Variants in KIF26B observed in about 807,000 individuals in gnomAD.
The protein encoded by KIF26B is kinesin family member 26B.
In KIF26B, 63 loss-of-function variants were observed where a neutral mutation model predicts 151.2. That is an observed-to-expected ratio of 0.42 (90% CI 0.34 to 0.51). The LOEUF (loss-of-function observed/expected upper bound fraction) is 0.51, where lower values mean the gene tolerates loss of function less well. KIF26B is among the 20% of genes least tolerant of loss of function. The pLI is 0.07. For synonymous variants in KIF26B, 1,357 were observed against 1,262.1 expected, an observed-to-expected ratio of 1.08 and a Z score of -1.59; for missense variants, 2,813 against 2,913.6, an observed-to-expected ratio of 0.97 and a Z score of 0.79.
chr1:245,697,099 A>G (rs1234327732), intron 12 of KIF26B, among the ~76,000 whole-genome samples: 1 of 152,194 alleles, frequency 6.6e-6, no homozygotes, highest in Non-Finnish European at 1.5e-5. Context: ...CGACAGAGTG[A>G]GACTCCCTCT....
intron 5 of KIF26B, among the ~76,000 whole-genome samples, chr1:245,567,815 C>CGAT: frequency 6.6e-6 from 1 of 152,160 alleles, no homozygotes; most frequent in African/African-American, 2.4e-5. Context: ...GTGGAGCATC[C>CGAT]CATTGTCTTC....
intron 2 of KIF26B, among the ~76,000 whole-genome samples, chr1:245,330,801 G>GTGGGGAGAGTC (rs545586083): frequency 1.2e-5 from 1 of 81,212 alleles, no homozygotes; most frequent in African/African-American, 8.7e-5. Flanking sequence ...GCGGGGTAAT[G>GTGGGGAGAGTC]GGGGGAGAGT....
intron 5 of KIF26B, among the ~76,000 whole-genome samples, chr1:245,583,344 C>T (rs886310343): frequency 6.6e-6 from 1 of 152,074 alleles, no homozygotes; most frequent in African/African-American, 2.4e-5. Flanking sequence ...GCACTCACAG[C>T]CTTACACATT....
intron 2 of KIF26B, among the ~76,000 whole-genome samples, chr1:245,292,314 C>A (rs535365032): frequency 6.6e-6 from 1 of 152,166 alleles, no homozygotes; most frequent in Non-Finnish European, 1.5e-5. Context: ...GAAGCTGGTG[C>A]ACTGGGGAAG....
At position 245,404,209 on chromosome 1, in the gene KIF26B, ATT is replaced by A. The variant is rs11455837; in HGVS notation, c.1000-15356_1000-15355del. On this transcript the variant is annotated intron_variant, in intron 3 of 14. Transcript: ENST00000407071. ...TTTTTGAGGAATTGCAACAAGACTG[ATT>A]TTTTTTTTTTTTTATAAAGCGTAGA... Among the ~76,000 whole-genome samples, 474 of 147,868 alleles carry A rather than the reference ATT, an allele frequency of 3.2e-3. 3 individuals carry two copies. The highest frequency in any genetic ancestry group is 0.01 in the African/African-American group (416 of 40,452).
At chr1:245,684,473 C>A in intron 11 of KIF26B, 78 bp downstream of exon 11, 1 of 1,410,934 alleles carries the variant, frequency 7.1e-7, no homozygotes. Context: ...TCAGAAAAAG[C>A]CAAATCAACG....
chr1:245,461,061 G>C (rs534902991), intron 4 of KIF26B, among the ~76,000 whole-genome samples: 1 of 152,164 alleles, frequency 6.6e-6, no homozygotes. Flanking sequence ...TTCCATTCTC[G>C]TGAGAGAAGC....
chr1:245,428,027 C>T (rs1173850), intron 4 of KIF26B, among the ~76,000 whole-genome samples: 10,239 of 152,246 alleles, frequency 0.067, 493 homozygotes, highest in Non-Finnish European at 0.1. Flanking sequence ...TGTCAATCCT[C>T]CTTGGATGCA....
rs185685044 is a variant in KIF26B, at chr1:245,587,233, G to A, written c.1351-15344G>A. Among the ~76,000 whole-genome samples the A allele has an allele frequency of 3.9e-5, 6 of 152,226 alleles. No homozygotes were observed. In the East Asian group the frequency reaches 1.2e-3, roughly 29 times the overall value. Reference sequence around the variant, plus strand: ...TATGAAATCTTTCCTGGCCCCAAGTGGAAATGCCCCCTCATTTGGGTCCTC... The same window carrying A: ...TATGAAATCTTTCCTGGCCCCAAGTAGAAATGCCCCCTCATTTGGGTCCTC... On this transcript the variant is annotated intron_variant, in intron 5 of 14. Transcript: ENST00000407071.
At chr1:245,521,111 G>A (rs938932035) in intron 4 of KIF26B, among the ~76,000 whole-genome samples, 5 of 152,168 alleles carry the variant, frequency 3.3e-5, no homozygotes, top group Non-Finnish European at 7.3e-5. Flanking sequence ...GCCGAGGCGG[G>A]CGGATCACGA....
chr1:245,621,962 T>C (rs2043667625), intron 9 of KIF26B, among the ~76,000 whole-genome samples: 1 of 152,268 alleles, frequency 6.6e-6, no homozygotes, highest in African/African-American at 2.4e-5. Context: ...TCTTGTGTTC[T>C]GTTTTACTAC....
chr1:245,515,534 T>C (rs769528399), intron 4 of KIF26B, among the ~76,000 whole-genome samples: 1 of 152,196 alleles, frequency 6.6e-6, no homozygotes, highest in Non-Finnish European at 1.5e-5. Flanking sequence ...GTGGAAGGCT[T>C]GGATGAGTAG....
At chr1:245,189,977 C>T (rs530779578) in intron 2 of KIF26B, among the ~76,000 whole-genome samples, 10 of 152,198 alleles carry the variant, frequency 6.6e-5, no homozygotes, top group East Asian at 1.9e-4. Flanking sequence ...TACTCACTAC[C>T]GTGAGAACAG....
chr1:245,491,449 A>C (rs1421429130), intron 4 of KIF26B, among the ~76,000 whole-genome samples: 2 of 152,208 alleles, frequency 1.3e-5, no homozygotes, highest in African/African-American at 4.8e-5. Context: ...CAGGTGGCCT[A>C]AAATTCCTGT....
intron 3 of KIF26B, among the ~76,000 whole-genome samples, chr1:245,384,364 T>A (rs1673489711): frequency 6.6e-6 from 1 of 152,234 alleles, no homozygotes; most frequent in Admixed American, 6.5e-5. Flanking sequence ...GCTTTGTGTG[T>A]CTTAATGCAT....
chr1:245,204,005 C>T (rs1381348765), intron 2 of KIF26B, among the ~76,000 whole-genome samples: 1 of 152,218 alleles, frequency 6.6e-6, no homozygotes, highest in Non-Finnish European at 1.5e-5. Context: ...TAATCATACT[C>T]CAGAGGAGGA....
intron 5 of KIF26B, among the ~76,000 whole-genome samples, chr1:245,559,995 G>A (rs1339832362): frequency 2.6e-5 from 4 of 151,490 alleles, no homozygotes; most frequent in African/African-American, 7.3e-5. Context: ...ATCTGCTGTC[G>A]TCTCTGCCAG....
intron 2 of KIF26B, among the ~76,000 whole-genome samples, chr1:245,224,695 C>T (rs990583754): frequency 2.6e-5 from 4 of 152,200 alleles, no homozygotes; most frequent in Non-Finnish European, 5.9e-5. Flanking sequence ...CATGCATCAA[C>T]ATTTGCAAGA....
intron 2 of KIF26B, among the ~76,000 whole-genome samples, chr1:245,184,050 G>GTTTTTTGTTTTTTGTTTTTTTTTTTT (rs1553332272): frequency 5.0e-5 from 1 of 19,810 alleles, no homozygotes; most frequent in Non-Finnish European, 9.9e-5. Flanking sequence ...GGGAGTTGTT[G>GTTTTTTGTTTTTTGTTTTTTTTTTTT]TTTTTTTTTT....
Sources: allele counts gnomAD v4.1 joint callset (sites outside exome capture counted in the v4.1 genomes callset), GRCh38; gene constraint gnomAD v4.1.1; transcripts MANE v1.5; gene names NCBI Gene and HGNC (gene_info 2026-07-23, HGNC 2026-07-21).